The following NPSR1 variants were observed in gnomAD, a reference collection of about 807,000 sequenced individuals.
NPSR1 encodes neuropeptide S receptor.
A neutral mutation model predicts 46.9 loss-of-function variants in NPSR1; 48 were observed. The observed-to-expected ratio is 1.02, with a 90% CI of 0.81 to 1.30. NPSR1 has a LOEUF of 1.30. Among genes scored for constraint, NPSR1 ranks in the 50% most tolerant of loss-of-function variants. The probability of loss-of-function intolerance (pLI) is 0.00; values close to 1 mark genes in which losing one functional copy is unlikely to be tolerated. For missense variants in NPSR1, 450 were observed against 449.5 expected, an observed-to-expected ratio of 1.00 and a Z score of -0.01; for synonymous variants, 176 against 168.1, an observed-to-expected ratio of 1.05 and a Z score of -0.36.
intron 3 of NPSR1, among the ~76,000 whole-genome samples, chr7:34,781,064 C>G (rs907598195): frequency 2.6e-5 from 4 of 152,020 alleles, no homozygotes; most frequent in Non-Finnish European, 1.5e-5. Context: ...GGTATATGCC[C>G]AGGACTATGC....
chr7:34,742,906 A>T (rs551962805), intron 2 of NPSR1, among the ~76,000 whole-genome samples: 1 of 152,300 alleles, frequency 6.6e-6, no homozygotes, highest in Admixed American at 6.5e-5. Context: ...TCTAATAATC[A>T]GTGATATTGA....
chr7:34,869,208 G>T (rs1791392976), intron 8 of NPSR1, among the ~76,000 whole-genome samples: 1 of 151,652 alleles, frequency 6.6e-6, no homozygotes, highest in Admixed American at 6.6e-5. Context: ...GGAAACCATG[G>T]GGAGAAAGTG....
chr7:34,825,483 C>A (rs1176474879), intron 4 of NPSR1, among the ~76,000 whole-genome samples: 2 of 152,214 alleles, frequency 1.3e-5, no homozygotes, highest in East Asian at 3.8e-4. Context: ...TGAAGAGAAG[C>A]TGGCTGGCGC....
intron 8 of NPSR1, among the ~76,000 whole-genome samples, chr7:34,872,213 C>T (rs1443318018): frequency 6.6e-6 from 1 of 151,976 alleles, no homozygotes; most frequent in African/African-American, 2.4e-5. Context: ...AGCTGCAGCC[C>T]AAGCTGTACC....
At chr7:34,857,168 A>G (rs1042078018) in intron 8 of NPSR1, among the ~76,000 whole-genome samples, 2 of 151,848 alleles carry the variant, frequency 1.3e-5, no homozygotes, top group African/African-American at 4.9e-5. Flanking sequence ...ACTATTGTTC[A>G]GAAACTGAAT....
chr7:34,777,853 G>A (rs1434441646), intron 2 of NPSR1, among the ~76,000 whole-genome samples: 2 of 152,122 alleles, frequency 1.3e-5, no homozygotes, highest in African/African-American at 2.4e-5. Context: ...CTGCCCACAA[G>A]AGGAAAAATG....
Position 34,787,777 on chromosome 7 carries a change from C to T in NPSR1, c.384+9212C>T, listed in dbSNP as rs140499435. ...CAGTTGGTGGAGCTGTCAGTATGCA[C>T]ACAACATTTATCAGTTAAGTTTGTC... is the stretch of plus-strand genomic sequence containing the variant. On this transcript the variant is annotated intron_variant, in intron 3 of 8. Coordinates refer to ENST00000360581, the MANE Select transcript of NPSR1 (RefSeq NM_207172.2). Among the ~76,000 whole-genome samples, 98 of 152,188 alleles carry T rather than the reference C, an allele frequency of 6.4e-4. 1 individual carries two copies. The highest frequency in any genetic ancestry group is 1.3e-3 in the Non-Finnish European group (85 of 67,980).
chr7:34,750,435 C>T, intron 2 of NPSR1: 1 of 744,218 alleles, frequency 1.3e-6, no homozygotes, highest in Non-Finnish European at 2.5e-6. Flanking sequence ...CGACGGGGCT[C>T]TGGTGTGACG....
intron 4 of NPSR1, among the ~76,000 whole-genome samples, chr7:34,814,821 G>A (rs1181100917): frequency 1.3e-5 from 2 of 152,174 alleles, no homozygotes; most frequent in Non-Finnish European, 2.9e-5. Flanking sequence ...TGCAGCTGAG[G>A]GACCTGACTG....
At chr7:34,668,445 C>T (rs1791869094) in intron 1 of NPSR1, among the ~76,000 whole-genome samples, 1 of 152,144 alleles carries the variant, frequency 6.6e-6, no homozygotes, top group Admixed American at 6.5e-5. Context: ...TATTCAAGAA[C>T]ACAGAAACTA....
intron 2 of NPSR1, among the ~76,000 whole-genome samples, chr7:34,688,254 T>C (rs923313761): frequency 3.3e-5 from 5 of 152,172 alleles, no homozygotes; most frequent in African/African-American, 4.8e-5. Flanking sequence ...AAATTAACTA[T>C]AATTTTCCAT....
intron 4 of NPSR1, among the ~76,000 whole-genome samples, chr7:34,823,101 A>G (rs1340391604): frequency 6.6e-6 from 1 of 152,174 alleles, no homozygotes; most frequent in Non-Finnish European, 1.5e-5. Flanking sequence ...ACAAAGAAAC[A>G]TAAATGAGAC....
chr7:34,868,535 A>C (rs10244172), intron 8 of NPSR1, among the ~76,000 whole-genome samples: 1 of 151,736 alleles, frequency 6.6e-6, no homozygotes, highest in Non-Finnish European at 1.5e-5. Context: ...AGCAGGATGC[A>C]CCACTAGGCA....
intron 2 of NPSR1, among the ~76,000 whole-genome samples, chr7:34,764,923 C>T (rs1786359425): frequency 6.6e-6 from 1 of 152,120 alleles, no homozygotes; most frequent in Non-Finnish European, 1.5e-5. Context: ...AAAAGAGAAG[C>T]CCTAAAACCA....
chr7:34,763,205 G>C (rs1251858718), intron 2 of NPSR1, among the ~76,000 whole-genome samples: 1 of 152,164 alleles, frequency 6.6e-6, no homozygotes, highest in East Asian at 1.9e-4. Flanking sequence ...AAAATGCAGG[G>C]AGCTCTTTTA....
intron 1 of NPSR1, among the ~76,000 whole-genome samples, chr7:34,673,500 G>A (rs1792162412): frequency 6.6e-6 from 1 of 152,128 alleles, no homozygotes; most frequent in South Asian, 2.1e-4. Flanking sequence ...GGAGTTCACA[G>A]AATGACTCTC....
chr7:34,745,164 C>T, intron 2 of NPSR1, among the ~76,000 whole-genome samples: 1 of 152,186 alleles, frequency 6.6e-6, no homozygotes, highest in African/African-American at 2.4e-5. Context: ...TTCCTAGTCA[C>T]TACCATAGTG....
intron 3 of NPSR1, among the ~76,000 whole-genome samples, chr7:34,791,181 A>ATATATGTTATATGTTATATATTATAT: frequency 1.1e-5 from 1 of 91,606 alleles, no homozygotes; most frequent in Non-Finnish European, 2.2e-5. Flanking sequence ...ATATTATATT[A>ATATATGTTATATGTTATATATTATAT]TATATGTTAT....
chr7:34,673,373 A>C (rs1326245909), intron 1 of NPSR1, among the ~76,000 whole-genome samples: 3 of 152,136 alleles, frequency 2.0e-5, no homozygotes, highest in Admixed American at 1.3e-4. Flanking sequence ...TCATGTCTCC[A>C]GCTCCATGAT....
Sources: allele counts gnomAD v4.1 joint callset (sites outside exome capture counted in the v4.1 genomes callset), GRCh38; gene constraint gnomAD v4.1.1; transcripts MANE v1.5; gene names NCBI Gene and HGNC (gene_info 2026-07-23, HGNC 2026-07-21).